The following PTPRD variants were observed in gnomAD, a reference collection of about 807,000 sequenced individuals.
The protein encoded by PTPRD is protein tyrosine phosphatase receptor type D, also known as receptor-type tyrosine-protein phosphatase delta.
In PTPRD, 34 loss-of-function variants were observed where a neutral mutation model predicts 214.5. That is an observed-to-expected ratio of 0.16 (90% CI 0.12 to 0.21). The LOEUF is 0.21. Ranked by LOEUF, PTPRD falls within the 10% of genes least tolerant of loss-of-function variation. The probability of loss-of-function intolerance (pLI) is 1.00; values close to 1 mark genes in which losing one functional copy is unlikely to be tolerated. For missense variants in PTPRD, 2,545 were observed against 2,398.7 expected (o/e 1.06, Z -1.27); for synonymous variants, 1,128 against 845.7 (o/e 1.33, Z -5.79).
intron 3 of PTPRD, among the ~76,000 whole-genome samples, chr9:10,083,185 C>T (rs943718468): frequency 5.9e-5 from 9 of 152,066 alleles, no homozygotes; most frequent in Admixed American, 2.6e-4. Context: ...AAATTGTTCT[C>T]TTATTATTTC....
At chr9:9,326,407 G>C (rs1487705149) in intron 9 of PTPRD, among the ~76,000 whole-genome samples, 3 of 152,030 alleles carry the variant, frequency 2.0e-5, no homozygotes, top group Non-Finnish European at 2.9e-5. Flanking sequence ...TGAAATAAAA[G>C]TTGCTGTGCA....
chr9:10,093,737 C>A (rs2098455695), intron 3 of PTPRD, among the ~76,000 whole-genome samples: 1 of 151,370 alleles, frequency 6.6e-6, no homozygotes, highest in Admixed American at 6.6e-5. Context: ...TTTGATACAT[C>A]TTGGAATACT....
intron 2 of PTPRD, among the ~76,000 whole-genome samples, chr9:10,560,922 G>C (rs1222113799): frequency 6.6e-6 from 1 of 152,194 alleles, no homozygotes; most frequent in African/African-American, 2.4e-5. Context: ...ACAGACCTCA[G>C]AGAGTGCTTA....
chr9:8,946,145 T>C (rs1204518570), intron 11 of PTPRD, among the ~76,000 whole-genome samples: 2 of 152,192 alleles, frequency 1.3e-5, no homozygotes, highest in Non-Finnish European at 2.9e-5. Context: ...AGCATTTGTG[T>C]TCAAGAAAAA....
At chr9:10,169,563 T>C (rs1374998361) in intron 3 of PTPRD, among the ~76,000 whole-genome samples, 1 of 150,076 alleles carries the variant, frequency 6.7e-6, no homozygotes, top group African/African-American at 2.5e-5. Flanking sequence ...CAAATAACAA[T>C]TCTAAAGTGA....
intron 11 of PTPRD, among the ~76,000 whole-genome samples, chr9:8,939,306 T>C (rs1213318658): frequency 6.6e-6 from 1 of 152,196 alleles, no homozygotes; most frequent in East Asian, 1.9e-4. Flanking sequence ...AGAAAATACC[T>C]AGAACATTTT....
intron 10 of PTPRD, among the ~76,000 whole-genome samples, chr9:9,075,023 A>G (rs767957309): frequency 1.1e-4 from 16 of 152,060 alleles, no homozygotes; most frequent in Admixed American, 3.3e-4. Flanking sequence ...AACTTTAATT[A>G]TAATTGTACA....
At chr9:9,024,805 A>T (rs925066581) in intron 10 of PTPRD, among the ~76,000 whole-genome samples, 5 of 151,896 alleles carry the variant, frequency 3.3e-5, no homozygotes, top group Non-Finnish European at 5.9e-5. Context: ...TATATTAAGG[A>T]TATTGATTAT....
In PTPRD at chr9:9,443,042, T is replaced by A. The variant is rs536462979; in HGVS notation, c.-236-45560A>T. Among the ~76,000 whole-genome samples, 19 of 152,062 alleles carry A rather than the reference T, an allele frequency of 1.2e-4. No individual in the cohort carries two copies. The East Asian group carries it at 3.5e-3, about 28-fold the overall frequency. ...TTCTTAAATTGGCTTTAAACATAAA[T>A]CCCCAAAATGTGCCACAAGTAGAAT... On this transcript the variant is annotated intron_variant, in intron 8 of 45. Coordinates refer to ENST00000381196, the MANE Select transcript of PTPRD (RefSeq NM_002839.4).
intron 10 of PTPRD, among the ~76,000 whole-genome samples, chr9:9,140,641 C>T (rs951402386): frequency 6.6e-6 from 1 of 152,178 alleles, no homozygotes; most frequent in Non-Finnish European, 1.5e-5. Context: ...TGCAGAGGCG[C>T]GATCTCGGCT....
At chr9:10,594,220 A>T (rs1225909662) in intron 2 of PTPRD, among the ~76,000 whole-genome samples, 1 of 151,932 alleles carries the variant, frequency 6.6e-6, no homozygotes, top group Non-Finnish European at 1.5e-5. Flanking sequence ...TTTTGAGAAA[A>T]CATTTGTTTT....
intron 9 of PTPRD, among the ~76,000 whole-genome samples, chr9:9,246,448 G>A (rs917819445): frequency 3.3e-5 from 5 of 152,066 alleles, no homozygotes; most frequent in African/African-American, 1.2e-4. Context: ...AAGTTCACCT[G>A]ATGCAAACTG....
chr9:8,598,950 C>G (rs1203734684), intron 14 of PTPRD, among the ~76,000 whole-genome samples: 1 of 152,150 alleles, frequency 6.6e-6, no homozygotes, highest in East Asian at 1.9e-4. Flanking sequence ...TGAACTTTAA[C>G]TGAAAAATGA....
chr9:8,606,005 A>T (rs1296041548), intron 14 of PTPRD, among the ~76,000 whole-genome samples: 1 of 152,014 alleles, frequency 6.6e-6, no homozygotes, highest in Non-Finnish European at 1.5e-5. Context: ...ATCGTATACT[A>T]TATCATCCTA....
chr9:8,973,664 T>C (rs973951421), intron 11 of PTPRD, among the ~76,000 whole-genome samples: 10 of 152,136 alleles, frequency 6.6e-5, no homozygotes, highest in African/African-American at 2.4e-4. Flanking sequence ...GTGGCTGAAC[T>C]AATTAACATT....
intron 2 of PTPRD, among the ~76,000 whole-genome samples, chr9:10,545,260 G>A (rs1002588379): frequency 3.9e-5 from 6 of 152,142 alleles, no homozygotes; most frequent in Admixed American, 3.9e-4. Flanking sequence ...ATGCAAAGTG[G>A]GGAGAGAGAA....
intron 36 of PTPRD, among the ~76,000 whole-genome samples, chr9:8,399,100 T>TTC (rs2091893022): frequency 6.6e-6 from 1 of 150,708 alleles, no homozygotes; most frequent in Admixed American, 6.7e-5. Flanking sequence ...ACTAAGCTTT[T>TTC]TTTTTTTTTT....
At chr9:9,976,189 T>G (rs79292695) in intron 4 of PTPRD, among the ~76,000 whole-genome samples, 93 of 152,278 alleles carry the variant, frequency 6.1e-4, no homozygotes, top group African/African-American at 2.2e-3. Flanking sequence ...TGCAGTAGTG[T>G]GTGAGCTTTG....
At chr9:9,587,672 C>A (rs548614403) in intron 7 of PTPRD, among the ~76,000 whole-genome samples, 1 of 151,936 alleles carries the variant, frequency 6.6e-6, no homozygotes, top group Non-Finnish European at 1.5e-5. Context: ...CATTTCTAAA[C>A]CAAGTTCCCA....
Sources: allele counts gnomAD v4.1 joint callset (sites outside exome capture counted in the v4.1 genomes callset), GRCh38; gene constraint gnomAD v4.1.1; transcripts MANE v1.5; gene names NCBI Gene and HGNC (gene_info 2026-07-23, HGNC 2026-07-21).